The following CPEB1 variants were observed in gnomAD, a reference collection of about 807,000 sequenced individuals.
The protein encoded by CPEB1 is cytoplasmic polyadenylation element-binding protein 1.
Under a neutral mutation model 65.8 loss-of-function variants are expected in CPEB1, and 7 were observed. That is an observed-to-expected ratio of 0.11 (90% CI 0.06 to 0.20). The LOEUF (loss-of-function observed/expected upper bound fraction) is 0.20. CPEB1 is among the 10% of genes least tolerant of loss of function. CPEB1 has a pLI of 1.00. For missense variants in CPEB1, 551 were observed against 712.2 expected (o/e 0.77, Z 2.58); for synonymous variants, 262 against 260.0 (o/e 1.01, Z -0.08).
At chr15:82,570,239 A>G (rs2039805366) in intron 4 of CPEB1, among the ~76,000 whole-genome samples, 1 of 152,154 alleles carries the variant, frequency 6.6e-6, no homozygotes, top group South Asian at 2.1e-4. Flanking sequence ...GACCTGCGCC[A>G]AACAGGGTGG....
chr15:82,585,069 G>T (rs1202232713), intron 3 of CPEB1, among the ~76,000 whole-genome samples: 1 of 151,902 alleles, frequency 6.6e-6, no homozygotes, highest in African/African-American at 2.4e-5. Context: ...ATGACAAAAT[G>T]ATATTAGGAT....
intron 4 of CPEB1, among the ~76,000 whole-genome samples, chr15:82,563,611 A>G (rs1232762888): frequency 6.6e-6 from 1 of 150,650 alleles, no homozygotes; most frequent in Non-Finnish European, 1.5e-5. Context: ...CAAAGTACTC[A>G]GGTCACAGGT....
intron 8 of CPEB1, 145 bp from the exon 9 acceptor site, chr15:82,552,761 A>C (rs1024193991): frequency 4.1e-5 from 36 of 878,854 alleles, no homozygotes; most frequent in Admixed American, 1.4e-4. Context: ...AGTCGTGTTG[A>C]GTGGAAGCAT....
intron 1 of CPEB1, among the ~76,000 whole-genome samples, chr15:82,636,611 A>C (rs905235085): frequency 6.6e-6 from 1 of 152,232 alleles, no homozygotes; most frequent in African/African-American, 2.4e-5. Context: ...CATGGTCACT[A>C]TAATTTTAAC....
chr15:82,573,188 C>A, intron 3 of CPEB1: 3 of 1,526,874 alleles, frequency 2.0e-6, no homozygotes, highest in South Asian at 1.2e-5. Flanking sequence ...CACAGGCACT[C>A]AGGCATAGCC....
chr15:82,560,583 G>C (rs913005351), intron 4 of CPEB1, among the ~76,000 whole-genome samples: 2 of 151,430 alleles, frequency 1.3e-5, no homozygotes, highest in Non-Finnish European at 2.9e-5. Flanking sequence ...TTTTAGTAGA[G>C]GTAGCATCTA....
intron 3 of CPEB1, among the ~76,000 whole-genome samples, chr15:82,595,321 T>A (rs1462571941): frequency 1.3e-5 from 2 of 152,252 alleles, no homozygotes; most frequent in Non-Finnish European, 2.9e-5. Context: ...TTTTCATTTC[T>A]CTTAAGGAGT....
intron 3 of CPEB1, among the ~76,000 whole-genome samples, chr15:82,591,130 C>T (rs1262495052): frequency 6.6e-6 from 1 of 152,194 alleles, no homozygotes; most frequent in Non-Finnish European, 1.5e-5. Context: ...TACATTCCCA[C>T]CAACAGTGTG....
chr15:82,629,382 G>A, intron 1 of CPEB1: 1 of 985,180 alleles, frequency 1.0e-6, no homozygotes, highest in Non-Finnish European at 1.2e-6. Flanking sequence ...GTCATTATTA[G>A]TACATACAAC....
chr15:82,580,845 A>G (rs975294827), intron 3 of CPEB1, among the ~76,000 whole-genome samples: 4 of 120,162 alleles, frequency 3.3e-5, no homozygotes, highest in Non-Finnish European at 1.7e-5. Flanking sequence ...TACGTCCCCA[A>G]TTTCTTTTTT....
chr15:82,549,560 A>G lies in CPEB1; in HGVS notation c.1380T>C (p.His460=), dbSNP rs1160155046. 1.2e-6 allele frequency: 2 copies of G among 1,614,224 alleles called. No homozygotes were observed. The highest frequency in any genetic ancestry group is 1.7e-5 in the Admixed American group (1 of 60,026). The change falls in exon 10 of 13, where the codon CAT becomes CAC. Residue 460 remains histidine, a synonymous_variant. Coordinates refer to ENST00000684509, the MANE Select transcript of CPEB1 (RefSeq NM_001365242.1). The part of the protein sequence containing the change: ...PSRTVFVGAL[H]GMLNAEALAA... ...CCAGGGCCTCAGCATTTAGCATTCCATGCAGAGCACCGACAAACACCGTCC... is the reference window on the plus strand; with the variant it reads ...CCAGGGCCTCAGCATTTAGCATTCCGTGCAGAGCACCGACAAACACCGTCC...
At chr15:82,549,327 AT>A (rs745436701) in intron 10 of CPEB1, 132 bp downstream of exon 10, 146 of 807,546 alleles carry the variant, frequency 1.8e-4, no homozygotes, top group Non-Finnish European at 2.6e-4. Context: ...AGAAAAAGAT[AT>A]TATGGTGCTG....
intron 3 of CPEB1, among the ~76,000 whole-genome samples, chr15:82,595,210 T>C (rs1219699132): frequency 1.3e-5 from 2 of 152,248 alleles, no homozygotes; most frequent in Non-Finnish European, 2.9e-5. Flanking sequence ...TGTTCATCCA[T>C]TCATCACCAG....
chr15:82,589,422 T>C (rs1422645629), intron 3 of CPEB1, among the ~76,000 whole-genome samples: 2 of 152,308 alleles, frequency 1.3e-5, no homozygotes, highest in Non-Finnish European at 1.5e-5. Context: ...TCACATCCCA[T>C]TGCTCAGTCT....
At chr15:82,579,128 A>G (rs2040967546) in intron 3 of CPEB1, among the ~76,000 whole-genome samples, 2 of 152,122 alleles carry the variant, frequency 1.3e-5, no homozygotes, top group East Asian at 1.9e-4. Flanking sequence ...CAGCCTTAAA[A>G]TTACATGAGA....
intron 3 of CPEB1, among the ~76,000 whole-genome samples, chr15:82,586,932 A>C (rs2041851273): frequency 6.6e-6 from 1 of 152,240 alleles, no homozygotes; most frequent in African/African-American, 2.4e-5. Context: ...GAACTAGATG[A>C]CAATGAATTA....
At position 82,628,492 on chromosome 15, in the gene CPEB1, G is replaced by A. The variant is rs540648224; in HGVS notation, c.-33C>T. The A allele has an allele frequency of 1.6e-4, 115 of 701,996 alleles. No individual in the cohort carries two copies. Among genetic ancestry groups the A allele is most frequent in the Non-Finnish European group, 2.4e-4 (94 of 384,772 alleles). 43.5% of individuals were successfully genotyped at this position (701,996 alleles called of 1,614,324 possible). A position where few individuals can be genotyped will look rare whatever the true frequency, so the allele number is the denominator to read the frequency against. On this transcript the variant is annotated 5_prime_UTR_variant, in exon 2 of 13. Coordinates refer to ENST00000684509, the MANE Select transcript of CPEB1 (RefSeq NM_001365242.1). ...TTAGATGATCTGGCAAAAGGGTTCC[G>A]ATTATTCAAGGCTGCTTTTGACTTC...
chr15:82,605,334 TAGAG>T (rs901349284), intron 3 of CPEB1, among the ~76,000 whole-genome samples: 3 of 152,108 alleles, frequency 2.0e-5, no homozygotes, highest in South Asian at 2.1e-4. Flanking sequence ...GTAAATATAA[TAGAG>T]AGTATATTTT....
At chr15:82,637,839 CT>C in intron 1 of CPEB1, 1 of 320,004 alleles carries the variant, frequency 3.1e-6, no homozygotes, top group Non-Finnish European at 6.2e-6. Context: ...ATTTTAAGTA[CT>C]TTTAATTACT....
Sources: gnomAD v4.1 joint callset for allele counts (sites outside exome capture counted in the v4.1 genomes callset) on GRCh38, gnomAD v4.1.1 for gene constraint, MANE v1.5 for transcripts, NCBI Gene and HGNC (gene_info 2026-07-23, HGNC 2026-07-21) for gene names.